The following TRAK1 variants were observed in gnomAD, a reference collection of about 807,000 sequenced individuals.
TRAK1 encodes trafficking kinesin-binding protein 1.
Under a neutral mutation model 92.1 loss-of-function variants are expected in TRAK1, and 33 were observed. The ratio of observed to expected loss-of-function variants is 0.36; its 90% confidence interval spans 0.27 to 0.48. The LOEUF (loss-of-function observed/expected upper bound fraction) is 0.48, where lower values mean the gene tolerates loss of function less well. Among genes scored for constraint, TRAK1 ranks in the 20% least tolerant of loss-of-function variants. TRAK1 has a pLI of 0.99. For missense variants in TRAK1, 1,123 were observed against 1,257.9 expected (o/e 0.89, Z 1.62); for synonymous variants, 521 against 517.3 (o/e 1.01, Z -0.10).
chr3:42,166,805 T>A (rs1366947441), intron 2 of TRAK1, among the ~76,000 whole-genome samples: 1 of 152,204 alleles, frequency 6.6e-6, no homozygotes, highest in Admixed American at 6.5e-5. Context: ...GCTGTGCTGT[T>A]TTGGCCTCTG....
intron 1 of TRAK1, among the ~76,000 whole-genome samples, chr3:42,113,037 C>A (rs1708667040): frequency 6.6e-6 from 1 of 152,098 alleles, no homozygotes; most frequent in Non-Finnish European, 1.5e-5. Flanking sequence ...TCCCAAAGTG[C>A]TGGGATTACA....
intron 1 of TRAK1, among the ~76,000 whole-genome samples, chr3:42,115,498 G>T (rs1044883484): frequency 6.6e-6 from 1 of 152,154 alleles, no homozygotes; most frequent in Non-Finnish European, 1.5e-5. Flanking sequence ...TGTGTCACCG[G>T]GGCTGGTGCA....
intron 2 of TRAK1, among the ~76,000 whole-genome samples, chr3:42,163,620 A>C (rs540247135): frequency 1.3e-5 from 2 of 151,484 alleles, no homozygotes; most frequent in East Asian, 3.9e-4. Flanking sequence ...CTCCAGACCT[A>C]CTGAATCAGA....
chr3:42,046,338 T>TAAAA (rs11411603), intron 1 of TRAK1, among the ~76,000 whole-genome samples: 1 of 143,174 alleles, frequency 7.0e-6, no homozygotes. Context: ...AGAGAACATT[T>TAAAA]AAAAAAAAAA....
chr3:42,047,759 T>C (rs1180336205), intron 1 of TRAK1, among the ~76,000 whole-genome samples: 2 of 152,152 alleles, frequency 1.3e-5, no homozygotes, highest in Admixed American at 6.6e-5. Flanking sequence ...CCATCCCAAA[T>C]TGTACTACTC....
At chr3:42,075,431 G>T (rs1704113208) in intron 1 of TRAK1, among the ~76,000 whole-genome samples, 2 of 151,452 alleles carry the variant, frequency 1.3e-5, no homozygotes, top group South Asian at 4.2e-4. Context: ...CTATTGTGAA[G>T]AGTGCTGCGA....
intron 1 of TRAK1, among the ~76,000 whole-genome samples, chr3:42,117,815 T>A (rs996891613): frequency 8.9e-6 from 1 of 112,816 alleles, no homozygotes; most frequent in African/African-American, 3.2e-5. Flanking sequence ...TATCTGTATT[T>A]CTTCTTTTCT....
Position 42,056,498 on chromosome 3 carries a change from G to A in TRAK1, c.-518-30606G>A, listed in dbSNP as rs1198998639. Among the ~76,000 whole-genome samples the A allele has an allele frequency of 5.3e-5, 8 of 152,158 alleles. No individual in the cohort carries two copies. The South Asian group carries it at 8.3e-4, about 16-fold the overall frequency. ...GAAATTATTATTGAAATAATTATTG[G>A]ATAACAGATGTTAAAAACATTTCAA... On this transcript the variant is annotated intron_variant, in intron 1 of 16. Coordinates refer to the TRAK1 transcript ENST00000487159.
chr3:42,014,276 C>T (rs1279516756), intron 1 of TRAK1, among the ~76,000 whole-genome samples: 7 of 152,208 alleles, frequency 4.6e-5, no homozygotes, highest in Non-Finnish European at 1.0e-4. Flanking sequence ...ACCGGCCGCA[C>T]CTGCAGGAGG....
At chr3:42,072,303 C>G (rs539351584) in intron 1 of TRAK1, among the ~76,000 whole-genome samples, 1 of 152,168 alleles carries the variant, frequency 6.6e-6, no homozygotes, top group South Asian at 2.1e-4. Flanking sequence ...CTTTTTGGGT[C>G]TTTCAGGTGG....
At position 42,202,871 on chromosome 3, in the gene TRAK1, C is replaced by T. The variant is rs1252207532; in HGVS notation, c.1744+119C>T. ...CCTACTCCTTTTTCTTCCGCGACAG[C>T]CACCCGCGCTGCTGGTTTGAGTTCC... On this transcript the variant is annotated intron_variant, in intron 13 of 15. Transcript: ENST00000327628. This position sits in a 1 kb window ranked among gnomAD's most constrained non-coding sequence, Gnocchi z 6.1. 2 of 1,477,294 alleles carry T rather than the reference C, an allele frequency of 1.4e-6. No homozygotes were observed. Among genetic ancestry groups the T allele is most frequent in the African/African-American group, 1.4e-5 (1 of 71,578 alleles). The allele number at this position is 1,477,294 out of a possible 1,614,324, so 91.5% of individuals were successfully genotyped here. A position where few individuals can be genotyped will look rare whatever the true frequency, so the allele number is the denominator to read the frequency against.
rs568010223 is a variant in TRAK1, at chr3:42,133,371, TTTG to T, written c.286+7760_286+7762del. ...TCGCTACCCCTCTTCCTTTTCTTTTTTTGTTTTGTTTTTAAAGTTTTTATTATT... is the reference window on the plus strand; with the variant it reads ...TCGCTACCCCTCTTCCTTTTCTTTTTTTTTGTTTTTAAAGTTTTTATTATT... On this transcript the variant is annotated intron_variant, in intron 2 of 15. Coordinates refer to ENST00000327628, the MANE Select transcript of TRAK1 (RefSeq NM_001042646.3). Among the ~76,000 whole-genome samples, 31 of 152,280 alleles carry T rather than the reference TTTG, an allele frequency of 2.0e-4. No individual in the cohort carries two copies. In the East Asian group the frequency reaches 5.8e-3, roughly 28 times the overall value.
chr3:42,088,557 C>T (rs557180479), upstream of TRAK1, among the ~76,000 whole-genome samples: 12 of 152,296 alleles, frequency 7.9e-5, no homozygotes, highest in East Asian at 2.1e-3. Context: ...TTCTCAGTCC[C>T]GTGTTTCCCG....
intron 2 of TRAK1, among the ~76,000 whole-genome samples, chr3:42,156,468 G>A (rs1700549499): frequency 6.6e-6 from 1 of 152,198 alleles, no homozygotes; most frequent in African/African-American, 2.4e-5. Flanking sequence ...GGCTCCCACT[G>A]GCCTAATATG....
chr3:42,097,618 A>G (rs1299978752), intron 1 of TRAK1, among the ~76,000 whole-genome samples: 1 of 152,148 alleles, frequency 6.6e-6, no homozygotes, highest in East Asian at 1.9e-4. Flanking sequence ...TAGCTCATGG[A>G]GTGATTGCCT....
At chr3:42,125,798 T>G (rs9681821) in intron 2 of TRAK1, among the ~76,000 whole-genome samples, 184 bp downstream of exon 2, 4,308 of 152,240 alleles carry the variant, frequency 0.028, 165 homozygotes, top group East Asian at 0.11. Context: ...ATGTTCTGAA[T>G]AGAAATTTTA....
chr3:42,118,344 G>A (rs534896991), intron 1 of TRAK1, among the ~76,000 whole-genome samples: 5 of 152,062 alleles, frequency 3.3e-5, no homozygotes, highest in East Asian at 1.9e-4. Flanking sequence ...TGCCCGCCTC[G>A]GCCTCCCAAA....
At chr3:42,111,331 A>G (rs774484231) in intron 1 of TRAK1, among the ~76,000 whole-genome samples, 3 of 152,196 alleles carry the variant, frequency 2.0e-5, no homozygotes, top group Non-Finnish European at 4.4e-5. Context: ...TCCTTTTCCC[A>G]AAACAAACCT....
intron 1 of TRAK1, among the ~76,000 whole-genome samples, chr3:42,053,616 T>C (rs993630100): frequency 6.6e-6 from 1 of 151,970 alleles, no homozygotes; most frequent in Admixed American, 6.5e-5. Flanking sequence ...CCAGAGGACC[T>C]GGCAAAAGCT....
Sources: allele counts gnomAD v4.1 joint callset (sites outside exome capture counted in the v4.1 genomes callset), GRCh38; gene constraint gnomAD v4.1.1; non-coding constraint Gnocchi (gnomAD v3.1); transcripts MANE v1.5; gene names NCBI Gene and HGNC (gene_info 2026-07-23, HGNC 2026-07-21).